The following SVIL variants were observed in gnomAD, a reference collection of about 807,000 sequenced individuals.
SVIL encodes the protein archvillin.
SVIL carries 101 observed loss-of-function variants against 240.4 expected under a neutral mutation model. That is an observed-to-expected ratio of 0.42 (90% CI 0.36 to 0.50). SVIL has a LOEUF of 0.50. SVIL is among the 20% of genes least tolerant of loss of function. The pLI is 0.01. For missense variants in SVIL, 2,512 were observed against 2,818.7 expected (o/e 0.89, Z 2.46); for synonymous variants, 999 against 1,100.0 (o/e 0.91, Z 1.82).
intron 5 of SVIL, 76 bp downstream of exon 5, chr10:29,554,707 A>G: frequency 1.4e-6 from 2 of 1,427,320 alleles, no homozygotes; most frequent in Non-Finnish European, 1.8e-6. Flanking sequence ...ATGTTCTGAT[A>G]CCACTGGGTG....
chr10:29,508,851 G>A (rs888328756), intron 17 of SVIL, among the ~76,000 whole-genome samples: 2 of 152,190 alleles, frequency 1.3e-5, no homozygotes, highest in Non-Finnish European at 2.9e-5. Context: ...AGTCTATAAA[G>A]GGTTTTCACT....
At position 29,532,188 on chromosome 10, in the gene SVIL, G is replaced by T. The variant is rs1490333209; in HGVS notation, c.1839-16C>A. 6.2e-7 allele frequency: 1 copy of T among 1,612,582 alleles called. No homozygotes were observed. Among genetic ancestry groups the T allele is most frequent in the Non-Finnish European group, 8.5e-7 (1 of 1,179,544 alleles). On this transcript the variant is annotated splice_polypyrimidine_tract_variant and intron_variant, in intron 8 of 37. Coordinates refer to ENST00000355867, the MANE Select transcript of SVIL (RefSeq NM_021738.3). Reference sequence around the variant, plus strand: ...CCGTGATTTGCTTTGAGAATCAAAGGGCAGAGAGTATAAGGAAGGCAAACG... The same window carrying T: ...CCGTGATTTGCTTTGAGAATCAAAGTGCAGAGAGTATAAGGAAGGCAAACG...
chr10:29,575,219 G>C lies in SVIL; in HGVS notation c.-200-5907C>G, dbSNP rs1224268592. 1.9e-5 allele frequency: 3 copies of C among 154,272 alleles called. No individual in the cohort carries two copies. The East Asian group carries it at 5.7e-4, about 29-fold the overall frequency. 9.6% of individuals were successfully genotyped at this position (154,272 alleles called of 1,614,324 possible). On this transcript the variant is annotated intron_variant, in intron 1 of 37. Coordinates refer to ENST00000355867, the MANE Select transcript of SVIL (RefSeq NM_021738.3). Reference sequence around the variant, plus strand: ...TCTGGCACTGAAGATGTGGTGTCCAGTCCACTTTCCCACCAGTGTTTAAGG... The same window carrying C: ...TCTGGCACTGAAGATGTGGTGTCCACTCCACTTTCCCACCAGTGTTTAAGG...
chr10:29,660,257 T>A (rs1357098991), intron 2 of SVIL, among the ~76,000 whole-genome samples: 1 of 151,992 alleles, frequency 6.6e-6, no homozygotes, highest in East Asian at 1.9e-4. Context: ...TACAGTGAGC[T>A]ACGATTGTAC....
At chr10:29,485,256 C>T (rs975116874) in intron 26 of SVIL, among the ~76,000 whole-genome samples, 5 of 151,708 alleles carry the variant, frequency 3.3e-5, no homozygotes, top group African/African-American at 9.7e-5. Flanking sequence ...GGTGTCTTCT[C>T]TCCAGTACAC....
At chr10:29,585,434 C>T (rs1437064373) in intron 1 of SVIL, among the ~76,000 whole-genome samples, 1 of 152,158 alleles carries the variant, frequency 6.6e-6, no homozygotes, top group Admixed American at 6.5e-5. Context: ...AAGAATCCTT[C>T]CACCTCATTC....
At chr10:29,489,324 A>G (rs1215969997) in intron 22 of SVIL, among the ~76,000 whole-genome samples, 5 of 152,240 alleles carry the variant, frequency 3.3e-5, no homozygotes, top group Non-Finnish European at 7.3e-5. Flanking sequence ...AACAGCAAAC[A>G]TCTATAGACC....
At chr10:29,510,003 A>G (rs1949710546) in intron 17 of SVIL, among the ~76,000 whole-genome samples, 1 of 152,180 alleles carries the variant, frequency 6.6e-6, no homozygotes, top group Admixed American at 6.5e-5. Context: ...CCCGAGCTCA[A>G]GCGATCCTCC....
intron 17 of SVIL, among the ~76,000 whole-genome samples, chr10:29,509,842 C>CT (rs964824128): frequency 1.3e-5 from 2 of 152,034 alleles, no homozygotes; most frequent in Non-Finnish European, 2.9e-5. Flanking sequence ...GAGAATGAAA[C>CT]TTTGTCTCAA....
chr10:29,694,065 CT>C (rs1227761112), intron 1 of SVIL, among the ~76,000 whole-genome samples: 1 of 151,940 alleles, frequency 6.6e-6, no homozygotes, highest in African/African-American at 2.4e-5. Flanking sequence ...GACAGCCCCC[CT>C]ACCCAGAATT....
chr10:29,542,596 C>T (rs1952262055), intron 6 of SVIL, among the ~76,000 whole-genome samples: 1 of 152,012 alleles, frequency 6.6e-6, no homozygotes, highest in East Asian at 1.9e-4. Context: ...TGTTTTGATA[C>T]AGGCATGCAA....
In SVIL at chr10:29,730,451, G is replaced by A. The variant is rs374684455; in HGVS notation, c.-400+5300C>T. Among the ~76,000 whole-genome samples the A allele has an allele frequency of 4.7e-4, 71 of 152,252 alleles. 2 individuals are homozygous for A. In the East Asian group the frequency reaches 5.6e-3, roughly 12 times the overall value. On this transcript the variant is annotated intron_variant, in intron 1 of 35. Coordinates refer to the SVIL transcript ENST00000375400. ...CTTAGCGCAGGCAAGGTTCTCAACC[G>A]TGGAGCCTCAGTTTCCTCATCTCCA...
At chr10:29,558,624 T>C (rs1224491014) in intron 3 of SVIL, among the ~76,000 whole-genome samples, 1 of 151,794 alleles carries the variant, frequency 6.6e-6, no homozygotes, top group Non-Finnish European at 1.5e-5. Flanking sequence ...ATATCTGTTT[T>C]ATATTATTAT....
At chr10:29,633,802 G>A (rs1958205135) in intron 1 of SVIL, among the ~76,000 whole-genome samples, 2 of 152,062 alleles carry the variant, frequency 1.3e-5, no homozygotes, top group South Asian at 4.1e-4. Flanking sequence ...AAAGGCTGAT[G>A]CAGTATTTTT....
chr10:29,688,799 G>C (rs1961283054), intron 1 of SVIL, among the ~76,000 whole-genome samples: 1 of 152,162 alleles, frequency 6.6e-6, no homozygotes, highest in South Asian at 2.1e-4. Flanking sequence ...TATGTTTTAA[G>C]TATATGTTTT....
chr10:29,496,274 G>T, intron 18 of SVIL: 1 of 372,128 alleles, frequency 2.7e-6, no homozygotes, highest in South Asian at 2.1e-5. Flanking sequence ...GTCAATAAAA[G>T]TTTTAAAATT....
At chr10:29,661,035 C>T (rs926141013) in intron 2 of SVIL, among the ~76,000 whole-genome samples, 22 of 152,162 alleles carry the variant, frequency 1.4e-4, no homozygotes, top group African/African-American at 5.1e-4. Flanking sequence ...GGTGTGGTGG[C>T]ACATGCCTGT....
At chr10:29,518,577 C>T (rs1950362059) in intron 16 of SVIL, among the ~76,000 whole-genome samples, 2 of 152,138 alleles carry the variant, frequency 1.3e-5, no homozygotes, top group South Asian at 2.1e-4. Flanking sequence ...AAATGAAAGC[C>T]GGGCGCAGTG....
chr10:29,734,843 T>C (rs1015043902), intron 1 of SVIL, among the ~76,000 whole-genome samples: 21 of 152,220 alleles, frequency 1.4e-4, no homozygotes, highest in African/African-American at 4.3e-4. Flanking sequence ...GTGCTAGGGT[T>C]TGCACAGGCA....
Sources: gnomAD v4.1 joint callset for allele counts (sites outside exome capture counted in the v4.1 genomes callset) on GRCh38, gnomAD v4.1.1 for gene constraint, MANE v1.5 for transcripts, NCBI Gene and HGNC (gene_info 2026-07-23, HGNC 2026-07-21) for gene names.